Variants in GRK3 observed in about 807,000 individuals in gnomAD.
GRK3 encodes the protein adrenergic, beta, receptor kinase 2.
GRK3 carries 54 observed loss-of-function variants against 95.7 expected under a neutral mutation model. The ratio of observed to expected loss-of-function variants is 0.56; its 90% CI spans 0.45 to 0.71. The LOEUF (loss-of-function observed/expected upper bound fraction) is 0.71. Ranked by LOEUF, GRK3 falls within the 30% of genes least tolerant of loss-of-function variation. GRK3 has a pLI of 0.00. For missense variants in GRK3, 649 were observed against 851.2 expected (o/e 0.76, Z 2.96); for synonymous variants, 281 against 290.8 (o/e 0.97, Z 0.34).
chr22:25,695,033 C>G (rs759589456), intron 12 of GRK3, 74 bp from the exon 13 acceptor site: 3 of 1,050,234 alleles, frequency 2.9e-6, no homozygotes, highest in Middle Eastern at 4.7e-4. Flanking sequence ...GAAGGACACC[C>G]GGACCTTGGG....
At chr22:25,692,146 T>A (rs1305633706) in intron 12 of GRK3, among the ~76,000 whole-genome samples, 2 of 152,000 alleles carry the variant, frequency 1.3e-5, no homozygotes, top group Non-Finnish European at 2.9e-5. Context: ...AAAGAAATAT[T>A]TTTTAAAGAC....
intron 1 of GRK3, among the ~76,000 whole-genome samples, chr22:25,568,319 T>TA (rs1569146879): frequency 5.9e-5 from 9 of 152,112 alleles, no homozygotes; most frequent in African/African-American, 2.2e-4. Flanking sequence ...TCTTTTTTTT[T>TA]TAAAAAAAAC....
rs986969388 is a variant in GRK3 at position 25,725,668 on chromosome 22, C to T, written c.*3218C>T. ...CTATGTTTAAAAAGAAGGGGCTGGCCGGGCACGATGGCTCACGCCTATAAT... is the reference window on the plus strand; with the variant it reads ...CTATGTTTAAAAAGAAGGGGCTGGCTGGGCACGATGGCTCACGCCTATAAT... On this transcript the variant is annotated 3_prime_UTR_variant, in exon 21 of 21. Transcript: ENST00000324198. 19 of 398,404 alleles carry T rather than the reference C, an allele frequency of 4.8e-5. No individual in the cohort carries two copies. The highest frequency in any genetic ancestry group is 7.1e-5 in the Non-Finnish European group (16 of 226,062). 24.7% of individuals were successfully genotyped at this position (398,404 alleles called of 1,614,324 possible).
intron 2 of GRK3, among the ~76,000 whole-genome samples, chr22:25,605,778 C>A (rs568485189): frequency 6.6e-6 from 1 of 152,298 alleles, no homozygotes; most frequent in South Asian, 2.1e-4. Flanking sequence ...TGAGTTTCTG[C>A]CTCCATGGAT....
intron 2 of GRK3, among the ~76,000 whole-genome samples, chr22:25,622,317 T>C (rs745367277): frequency 1.9e-4 from 29 of 152,258 alleles, no homozygotes; most frequent in Non-Finnish European, 3.7e-4. Context: ...GGGGATCAGC[T>C]CCCTCAGCGT....
intron 14 of GRK3, 93 bp from the exon 15 acceptor site, chr22:25,704,016 A>G (rs28510679): frequency 8.9e-6 from 8 of 894,724 alleles, no homozygotes; most frequent in Non-Finnish European, 8.9e-6. Flanking sequence ...TTTTAATACT[A>G]TGCTTATCCC....
intron 10 of GRK3, 90 bp downstream of exon 10, chr22:25,685,338 G>A: frequency 4.0e-6 from 4 of 1,000,364 alleles, no homozygotes; most frequent in Non-Finnish European, 6.4e-6. Context: ...GACTGGCAAT[G>A]TGGGTCTTTC....
chr22:25,678,580 T>G (rs1337971448), intron 8 of GRK3, among the ~76,000 whole-genome samples: 1 of 152,268 alleles, frequency 6.6e-6, no homozygotes, highest in Non-Finnish European at 1.5e-5. Context: ...ACTTTATCAT[T>G]TATTTAACTG....
chr22:25,717,641 C>A (rs112728158), intron 18 of GRK3, among the ~76,000 whole-genome samples: 2 of 152,226 alleles, frequency 1.3e-5, no homozygotes, highest in South Asian at 2.1e-4. Flanking sequence ...TTAAAATTAA[C>A]CTTTTCTTTT....
chr22:25,589,096 C>G (rs767791092), intron 1 of GRK3, among the ~76,000 whole-genome samples: 1 of 152,222 alleles, frequency 6.6e-6, no homozygotes, highest in Non-Finnish European at 1.5e-5. Flanking sequence ...CACTGTTTTA[C>G]AAACTTGTTC....
intron 13 of GRK3, 74 bp from the exon 14 acceptor site, chr22:25,703,436 C>T (rs1198994600): frequency 8.6e-7 from 1 of 1,161,934 alleles, no homozygotes; most frequent in Non-Finnish European, 1.3e-6. Flanking sequence ...CATACTTTAC[C>T]CAAATATTAG....
At chr22:25,682,091 A>C (rs749075295) in intron 9 of GRK3, among the ~76,000 whole-genome samples, 6 of 152,196 alleles carry the variant, frequency 3.9e-5, no homozygotes, top group Non-Finnish European at 8.8e-5. Context: ...TTTTACATCG[A>C]GTCAAAGATA....
chr22:25,709,993 G>C, intron 16 of GRK3, 29 bp downstream of exon 16: 2 of 1,528,262 alleles, frequency 1.3e-6, no homozygotes, highest in Non-Finnish European at 1.8e-6. Flanking sequence ...CTCTACTTAC[G>C]GTACTGCCGC....
Position 25,723,405 on chromosome 22 carries a change from G to A in GRK3, c.*955G>A, listed in dbSNP as rs1425190420. On this transcript the variant is annotated 3_prime_UTR_variant, in exon 21 of 21. Transcript: ENST00000324198. ...TGTTTTATGTCTTAGTATAATTTCAGATGAATTGTATTGAAAAAATGCTGA... is the reference window on the plus strand; with the variant it reads ...TGTTTTATGTCTTAGTATAATTTCAAATGAATTGTATTGAAAAAATGCTGA... 1 of 152,204 alleles carries A rather than the reference G, an allele frequency of 6.6e-6. No individual in the cohort carries two copies. Among genetic ancestry groups the A allele is most frequent in the Admixed American group, 6.5e-5 (1 of 15,284 alleles). The allele number at this position is 152,204 out of a possible 1,614,324, so 9.4% of individuals were successfully genotyped here. A position where few individuals can be genotyped will look rare whatever the true frequency, so the allele number is the denominator to read the frequency against.
chr22:25,651,782 A>G (rs1262191597), intron 3 of GRK3, among the ~76,000 whole-genome samples: 1 of 152,238 alleles, frequency 6.6e-6, no homozygotes, highest in Non-Finnish European at 1.5e-5. Context: ...CTTAATGTGT[A>G]TTCATTTTAA....
At position 25,722,546 on chromosome 22, in the gene GRK3, G is replaced by C. The variant is rs111886753; in HGVS notation, c.*96G>C. ...AGGCATCTGATCTATTCGCTACCGG[G>C]ACTCCTCCAGGCTCCCGAGAGGAGT... On this transcript the variant is annotated 3_prime_UTR_variant, in exon 21 of 21. Transcript: ENST00000324198. 563 of 1,343,838 alleles carry C rather than the reference G, an allele frequency of 4.2e-4. 2 individuals carry two copies. In the African/African-American group the frequency reaches 7.4e-3, roughly 18 times the overall value. 83.2% of individuals were successfully genotyped at this position (1,343,838 alleles called of 1,614,324 possible).
At chr22:25,704,597 G>A (rs2085285468) in intron 15 of GRK3, among the ~76,000 whole-genome samples, 1 of 152,152 alleles carries the variant, frequency 6.6e-6, no homozygotes, top group Admixed American at 6.5e-5. Flanking sequence ...TTTTAGTAGA[G>A]ACGGGGTTTT....
At chr22:25,652,223 A>C (rs897388666) in intron 3 of GRK3, among the ~76,000 whole-genome samples, 1 of 152,196 alleles carries the variant, frequency 6.6e-6, no homozygotes, top group Non-Finnish European at 1.5e-5. Context: ...TCACGAGGTC[A>C]GGAGACCGAG....
chr22:25,700,421 T>C (rs1157946618), intron 13 of GRK3, among the ~76,000 whole-genome samples: 2 of 151,976 alleles, frequency 1.3e-5, no homozygotes, highest in Non-Finnish European at 2.9e-5. Flanking sequence ...CCCCGTGGAG[T>C]TGTCAGACAT....
Sources: gnomAD v4.1 joint callset for allele counts (sites outside exome capture counted in the v4.1 genomes callset) on GRCh38, gnomAD v4.1.1 for gene constraint, MANE v1.5 for transcripts, NCBI Gene and HGNC (gene_info 2026-07-23, HGNC 2026-07-21) for gene names.